The following PTPDC1 variants were observed in gnomAD, a reference collection of about 807,000 sequenced individuals.
The protein encoded by PTPDC1 is protein tyrosine phosphatase domain containing 1.
PTPDC1 carries 53 observed loss-of-function variants against 75.3 expected under a neutral mutation model. The observed-to-expected ratio is 0.70, with a 90% confidence interval of 0.56 to 0.88. The LOEUF (loss-of-function observed/expected upper bound fraction) is 0.88, where lower values mean the gene tolerates loss of function less well. Among genes scored for constraint, PTPDC1 ranks in the 40% least tolerant of loss-of-function variants. The pLI, the probability that PTPDC1 is intolerant of heterozygous loss-of-function variation, is 0.00. For missense variants in PTPDC1, 925 were observed against 998.6 expected (o/e 0.93, Z 0.99); for synonymous variants, 349 against 366.2 (o/e 0.95, Z 0.54).
At chr9:94,055,613 A>G (rs1332612309) in intron 1 of PTPDC1, among the ~76,000 whole-genome samples, 1 of 152,250 alleles carries the variant, frequency 6.6e-6, no homozygotes, top group Non-Finnish European at 1.5e-5. Context: ...TACCTACTGT[A>G]TGATTCCAAC....
chr9:94,081,618 A>G (rs1826886236), upstream of PTPDC1, among the ~76,000 whole-genome samples: 1 of 152,178 alleles, frequency 6.6e-6, no homozygotes. Flanking sequence ...TCCACCTCAA[A>G]ACAGATCATC....
chr9:94,050,283 A>T (rs1721492255), intron 1 of PTPDC1, among the ~76,000 whole-genome samples: 1 of 151,916 alleles, frequency 6.6e-6, no homozygotes, highest in African/African-American at 2.4e-5. Context: ...GGAGGAGGAG[A>T]GGCGCTCTGA....
intron 1 of PTPDC1, among the ~76,000 whole-genome samples, chr9:94,042,140 C>T (rs1205456753): frequency 1.3e-5 from 2 of 152,158 alleles, no homozygotes; most frequent in East Asian, 3.8e-4. Flanking sequence ...CATTCACCAT[C>T]CTTTTACTTA....
chr9:94,043,551 C>G (rs1228287469), intron 1 of PTPDC1, among the ~76,000 whole-genome samples: 2 of 152,126 alleles, frequency 1.3e-5, no homozygotes, highest in African/African-American at 2.4e-5. Flanking sequence ...GACTCCCCCC[C>G]TCTACAAAAA....
chr9:94,052,338 T>G (rs1385874587), intron 1 of PTPDC1, among the ~76,000 whole-genome samples: 1 of 152,208 alleles, frequency 6.6e-6, no homozygotes, highest in African/African-American at 2.4e-5. Flanking sequence ...ATACTTTCTA[T>G]TATTTCTCTT....
rs1167852649 is a variant in PTPDC1 at position 94,036,590 on chromosome 9, C to T, written c.-7+5463C>T. ...GATGGTAAACCTTGTGATATTAACC[C>T]GTAACTTTTTGAGTGATAAGTTCCA... On this transcript the variant is annotated intron_variant, in intron 1 of 9. Coordinates refer to the PTPDC1 transcript ENST00000375360. 5.3e-5 allele frequency among the ~76,000 whole-genome samples: 8 copies of T among 152,024 alleles called. No individual in the cohort carries two copies. In the East Asian group the frequency reaches 1.2e-3, roughly 22 times the overall value.
chr9:94,094,813 G>T (rs78308825), intron 4 of PTPDC1, among the ~76,000 whole-genome samples: 1 of 152,244 alleles, frequency 6.6e-6, no homozygotes, highest in Non-Finnish European at 1.5e-5. Flanking sequence ...GAAAAGCGCA[G>T]TGTTCGGGTG....
At chr9:94,106,743 T>C (rs574133589) in intron 8 of PTPDC1, among the ~76,000 whole-genome samples, 1 of 152,042 alleles carries the variant, frequency 6.6e-6, no homozygotes, top group Non-Finnish European at 1.5e-5. Flanking sequence ...GAAGCAGTGA[T>C]TGTGTGACCC....
intron 1 of PTPDC1, among the ~76,000 whole-genome samples, chr9:94,055,597 G>T: frequency 6.6e-6 from 1 of 152,166 alleles, no homozygotes; most frequent in Non-Finnish European, 1.5e-5. Context: ...ATCAATCTGA[G>T]AAGGCTACCT....
intron 1 of PTPDC1, chr9:94,038,226 T>C (rs569016853): frequency 1.4e-5 from 13 of 911,714 alleles, no homozygotes; most frequent in East Asian, 7.4e-5. Context: ...GATACACTGA[T>C]GGAGTATTTG....
chr9:94,102,132 G>A (rs574368418), intron 7 of PTPDC1, among the ~76,000 whole-genome samples: 89 of 152,122 alleles, frequency 5.9e-4, no homozygotes, highest in Non-Finnish European at 7.4e-4. Flanking sequence ...ACTCTTAACG[G>A]ATATGATGCT....
intron 1 of PTPDC1, among the ~76,000 whole-genome samples, chr9:94,043,592 G>T (rs1243026364): frequency 4.6e-5 from 7 of 152,108 alleles, no homozygotes. Context: ...GTGGTGGCGT[G>T]TGCCTGTAGT....
chr9:94,104,502 CT>C (rs1827950717), intron 8 of PTPDC1, 117 bp downstream of exon 8: 1 of 614,914 alleles, frequency 1.6e-6, no homozygotes. Context: ...TATGTTTTCC[CT>C]TCATGGAAAT....
Position 94,084,742 on chromosome 9 carries a change from G to A in PTPDC1, c.212G>A (p.Gly71Glu). Residue 71 changes from glycine (G) to glutamate (E), a missense_variant, in exon 1 of 9, where the codon GGA becomes GAA. Physicochemically the swap from Gly to Glu is moderately conservative, Grantham distance 98 (BLOSUM62 -2). Coordinates refer to ENST00000620992, the MANE Select transcript of PTPDC1 (RefSeq NM_001253829.2). ...VAVSSVSHAEGNPTFPERKSK... is the reference protein window; with the variant it reads ...VAVSSVSHAEENPTFPERKSK... ...GTTTCCTCAGTCAGCCATGCAGAGG[G>A]AAACCCAACTTTCCCCGAAAGAAAA... The A allele has an allele frequency of 6.3e-7, 1 of 1,590,080 alleles. No individual in the cohort carries two copies. The highest frequency in any genetic ancestry group is 8.5e-7 in the Non-Finnish European group (1 of 1,171,026).
intron 1 of PTPDC1, among the ~76,000 whole-genome samples, chr9:94,036,308 A>G (rs1167327787): frequency 6.6e-6 from 1 of 151,928 alleles, no homozygotes; most frequent in Non-Finnish European, 1.5e-5. Flanking sequence ...AGAGTTTTCC[A>G]GCTTTAGGTG....
intron 1 of PTPDC1, among the ~76,000 whole-genome samples, chr9:94,033,912 CA>C (rs1412272481): frequency 6.6e-6 from 1 of 151,336 alleles, no homozygotes; most frequent in African/African-American, 2.4e-5. Flanking sequence ...TCTCTATGAC[CA>C]AAGTCATCCA....
chr9:94,031,664 C>A (rs920452581), intron 1 of PTPDC1, among the ~76,000 whole-genome samples: 1 of 152,060 alleles, frequency 6.6e-6, no homozygotes. Context: ...GTAGATATTA[C>A]CGTCCTTTGT....
intron 1 of PTPDC1, among the ~76,000 whole-genome samples, chr9:94,031,788 G>A (rs1381029416): frequency 6.6e-6 from 1 of 152,250 alleles, no homozygotes; most frequent in East Asian, 1.9e-4. Flanking sequence ...TGGGAGGAGA[G>A]GGGGAAAATC....
chr9:94,084,454 C>T, upstream of PTPDC1: 4 of 1,580,212 alleles, frequency 2.5e-6, no homozygotes, highest in South Asian at 3.5e-5. Flanking sequence ...ATGCAATGCT[C>T]CCTGCTCTCA....
Sources: gnomAD v4.1 joint callset for allele counts (sites outside exome capture counted in the v4.1 genomes callset) on GRCh38, gnomAD v4.1.1 for gene constraint, MANE v1.5 for transcripts, NCBI Gene and HGNC (gene_info 2026-07-23, HGNC 2026-07-21) for gene names.